The following SBNO2 variants were observed in gnomAD, a reference collection of about 807,000 sequenced individuals.
SBNO2 encodes strawberry notch homolog 2.
A neutral mutation model predicts 146.3 loss-of-function variants in SBNO2; 89 were observed. That is an observed-to-expected ratio of 0.61 (90% CI 0.51 to 0.73). The LOEUF (loss-of-function observed/expected upper bound fraction) is 0.73. SBNO2 is among the 30% of genes least tolerant of loss of function. The pLI is 0.00. For synonymous variants in SBNO2, 1,147 were observed against 892.6 expected, an observed-to-expected ratio of 1.29 and a Z score of -5.08; for missense variants, 2,092 against 2,003.7, an observed-to-expected ratio of 1.04 and a Z score of -0.84.
chr19:1,116,623 C>T lies in SBNO2; in HGVS notation c.1802+206G>A, dbSNP rs184909611. Among the ~76,000 whole-genome samples the T allele has an allele frequency of 3.5e-3, 539 of 152,244 alleles. 1 individual carries two copies. The highest frequency in any genetic ancestry group is 0.012 in the African/African-American group (504 of 41,546). ...CATGTCCCAAACCTTCCAGGCCCAC[C>T]ATGCCTGGGGTCCACCTCCAAGCCT... On this transcript the variant is annotated intron_variant, in intron 16 of 31. Transcript: ENST00000361757.
chr19:1,154,917 A>C (rs1407646112), intron 1 of SBNO2, among the ~76,000 whole-genome samples: 1 of 152,142 alleles, frequency 6.6e-6, no homozygotes, highest in Non-Finnish European at 1.5e-5. Context: ...CTGGAAGAGC[A>C]CCCAGACCTC....
intron 4 of SBNO2, among the ~76,000 whole-genome samples, chr19:1,141,651 G>A (rs959784764): frequency 1.3e-5 from 2 of 151,724 alleles, no homozygotes; most frequent in African/African-American, 4.9e-5. Context: ...GGCCCTCCAC[G>A]CATCCATCAC....
chr19:1,146,665 C>T (rs886098836), intron 4 of SBNO2, among the ~76,000 whole-genome samples: 2 of 150,560 alleles, frequency 1.3e-5, no homozygotes, highest in Non-Finnish European at 3.0e-5. Context: ...ACTGGGTGCT[C>T]CAGAGCTGCC....
At chr19:1,122,592 T>TGCCCCCCCCCCCCCCCCCAAGCCCC in intron 9 of SBNO2, 34 bp from the exon 10 acceptor site, 1 of 1,455,730 alleles carries the variant, frequency 6.9e-7, no homozygotes, top group Non-Finnish European at 9.2e-7. Context: ...CGCCCACCCT[T>TGCCCCCCCCCCCCCCCCCAAGCCCC]CCCCCTCGCC....
intron 1 of SBNO2, among the ~76,000 whole-genome samples, chr19:1,167,478 A>G (rs1185574625): frequency 6.6e-6 from 1 of 152,186 alleles, no homozygotes; most frequent in Non-Finnish European, 1.5e-5. Flanking sequence ...CCCTGTGGCC[A>G]CTGGGCTGAG....
intron 14 of SBNO2, among the ~76,000 whole-genome samples, chr19:1,117,742 G>A (rs939758566): frequency 1.3e-5 from 2 of 152,392 alleles, no homozygotes; most frequent in Admixed American, 6.5e-5. Flanking sequence ...CTCCGCGCCC[G>A]CGGCAAACAG....
chr19:1,152,595 G>A (rs1006786106), intron 2 of SBNO2, among the ~76,000 whole-genome samples: 17 of 151,110 alleles, frequency 1.1e-4, no homozygotes, highest in African/African-American at 2.2e-4. Context: ...GAACTAGGGA[G>A]GGGGACAGGA....
Position 1,109,047 on chromosome 19 carries a change from G to T in SBNO2, c.3426-78C>A. The T allele has an allele frequency of 6.6e-7, 1 of 1,506,392 alleles. No individual in the cohort carries two copies. The highest frequency in any genetic ancestry group is 8.9e-7 in the Non-Finnish European group (1 of 1,127,792). 93.3% of individuals were successfully genotyped at this position (1,506,392 alleles called of 1,614,324 possible). A position where few individuals can be genotyped will look rare whatever the true frequency, so the allele number is the denominator to read the frequency against. Reference sequence around the variant, plus strand: ...CTCCCCAGGTGCCCTGAGATCTCCCGCCTCCTCTCAGGGTCTCGGGAGCCC... The same window carrying T: ...CTCCCCAGGTGCCCTGAGATCTCCCTCCTCCTCTCAGGGTCTCGGGAGCCC... On this transcript the variant is annotated intron_variant, in intron 30 of 31. Transcript: ENST00000361757. The surrounding 1 kb of genome is among the most constrained non-coding windows in gnomAD (Gnocchi z 4.2).
At position 1,157,131 on chromosome 19, in the gene SBNO2, C is replaced by T. The variant is rs554027393; in HGVS notation, c.-126-2729G>A. ...AGACTCGGTCCTGTCCGAGGGCCCACGCCCCCAAGGGCTGGCTCCCACCCC... is the reference window on the plus strand; with the variant it reads ...AGACTCGGTCCTGTCCGAGGGCCCATGCCCCCAAGGGCTGGCTCCCACCCC... On this transcript the variant is annotated intron_variant, in intron 1 of 31. Transcript: ENST00000361757. The surrounding 1 kb of genome is among the most constrained non-coding windows in gnomAD (Gnocchi z 6.8). 2.6e-5 allele frequency among the ~76,000 whole-genome samples: 4 copies of T among 152,152 alleles called. No individual in the cohort carries two copies. Among genetic ancestry groups the T allele is most frequent in the South Asian group, 2.1e-4 (1 of 4,822 alleles).
intron 1 of SBNO2, chr19:1,168,754 G>A (rs752508): frequency 0.25 from 37,679 of 152,208 alleles, 5,518 homozygotes; most frequent in East Asian, 0.45. Flanking sequence ...ACGGCGGTCC[G>A]GGGCCATGGC....
chr19:1,148,313 C>T (rs2080213468), intron 3 of SBNO2, among the ~76,000 whole-genome samples: 1 of 152,016 alleles, frequency 6.6e-6, no homozygotes, highest in African/African-American at 2.4e-5. Context: ...TCCCGGGCCA[C>T]AAACAGCTGC....
Position 1,122,786 on chromosome 19 carries a change from G to T in SBNO2, c.786C>A (p.His262Gln). The T allele has an allele frequency of 6.5e-7, 1 of 1,538,048 alleles. No homozygotes were observed. The highest frequency in any genetic ancestry group is 8.7e-7 in the Non-Finnish European group (1 of 1,146,350). The change falls in exon 9 of 32, where the codon CAC (histidine) becomes CAA (glutamine). Residue 262 changes from histidine to glutamine, a missense_variant. By Grantham distance (24) the His-to-Gln change is conservative (BLOSUM62 0). Coordinates refer to ENST00000361757, the MANE Select transcript of SBNO2 (RefSeq NM_014963.3). Reference protein sequence around the residue: ...LEAITYACQQHEVLLPSGQRA... With the variant: ...LEAITYACQQQEVLLPSGQRA... The stretch of plus-strand genomic sequence containing the variant: ...GCTGCCCGCTGGGGAGCAGGACCTC[G>T]TGTTGCTGTTGCCGGAGAGCAGGCG...
intron 17 of SBNO2, among the ~76,000 whole-genome samples, 157 bp from the exon 18 acceptor site, chr19:1,114,579 G>C (rs1407414264): frequency 6.6e-6 from 1 of 152,200 alleles, no homozygotes; most frequent in Non-Finnish European, 1.5e-5. Flanking sequence ...CTGTTCTCCA[G>C]GGACGCCCTC....
intron 14 of SBNO2, among the ~76,000 whole-genome samples, chr19:1,118,626 T>C (rs1288180724): frequency 6.6e-6 from 1 of 152,120 alleles, no homozygotes; most frequent in Non-Finnish European, 1.5e-5. Flanking sequence ...CCCAGCACTG[T>C]GGGAGGCCGA....
At chr19:1,123,738 G>T in intron 6 of SBNO2, 99 bp from the exon 7 acceptor site, 1 of 1,263,494 alleles carries the variant, frequency 7.9e-7, no homozygotes, top group Non-Finnish European at 1.1e-6. Flanking sequence ...ATGGGCAGCT[G>T]AGTGACCCAG....
At chr19:1,130,369 CT>C (rs1234830534) in intron 4 of SBNO2, among the ~76,000 whole-genome samples, 1 of 152,138 alleles carries the variant, frequency 6.6e-6, no homozygotes, top group East Asian at 1.9e-4. Flanking sequence ...CAGGGGGGAG[CT>C]CACGTCTGCT....
In SBNO2 at chr19:1,112,956, C is replaced by T. The variant is rs1599825684; in HGVS notation, c.2248-7G>A. On this transcript the variant is annotated splice_polypyrimidine_tract_variant and splice_region_variant and intron_variant, in intron 19 of 31. Coordinates refer to ENST00000361757, the MANE Select transcript of SBNO2 (RefSeq NM_014963.3). This position sits in a 1 kb window ranked among gnomAD's most constrained non-coding sequence, Gnocchi z 5.9. Reference sequence around the variant, plus strand: ...GGCCTTTCCTGCCGGTCATCTGCAGCCGAGACAGGGACAAAACCGGCCGTC... The same window carrying T: ...GGCCTTTCCTGCCGGTCATCTGCAGTCGAGACAGGGACAAAACCGGCCGTC... The T allele has an allele frequency of 6.4e-7, 1 of 1,557,434 alleles. No homozygotes were observed. Among genetic ancestry groups the T allele is most frequent in the Non-Finnish European group, 8.7e-7 (1 of 1,152,324 alleles).
Position 1,108,935 on chromosome 19 carries a change from C to A in SBNO2, c.3460G>T (p.Asp1154Tyr). ...CGCAGCCGCAGCCCCTGCAGGCAGTCCTTACCCTCCTGCGCCAGCCGGCAG... is the reference window on the plus strand; with the variant it reads ...CGCAGCCGCAGCCCCTGCAGGCAGTACTTACCCTCCTGCGCCAGCCGGCAG... ...RHCRLAQEGKDCLQGLRLRHH... is the reference protein window; with the variant it reads ...RHCRLAQEGKYCLQGLRLRHH... Residue 1154 changes from aspartate (D) to tyrosine (Y), a missense_variant, in exon 31 of 32, where the codon GAC becomes TAC. Asp to Tyr is a radical substitution (Grantham distance 160). Transcript: ENST00000361757. The A allele has an allele frequency of 6.4e-7, 1 of 1,564,920 alleles. No homozygotes were observed. The highest frequency in any genetic ancestry group is 8.6e-7 in the Non-Finnish European group (1 of 1,162,752).
intron 4 of SBNO2, among the ~76,000 whole-genome samples, chr19:1,138,868 TCCATGCGTCCATCACGGACAGACACAGTG>T (rs1210340103): frequency 6.8e-6 from 1 of 147,238 alleles, no homozygotes; most frequent in East Asian, 2.0e-4. Flanking sequence ...AGTGGGGCCC[TCCATGCGTCCATCACGGACAGACACAGTG>T]GGTCCTCCAC....
Sources: gnomAD v4.1 joint callset for allele counts (sites outside exome capture counted in the v4.1 genomes callset) on GRCh38, gnomAD v4.1.1 for gene constraint, Gnocchi (gnomAD v3.1) non-coding constraint, MANE v1.5 for transcripts, NCBI Gene and HGNC (gene_info 2026-07-23, HGNC 2026-07-21) for gene names.